Variants in PTPRM observed in about 807,000 individuals in gnomAD.
The protein encoded by PTPRM is protein tyrosine phosphatase receptor type M.
In PTPRM, 47 loss-of-function variants were observed where a neutral mutation model predicts 186.7. The observed-to-expected ratio is 0.25, with a 90% confidence interval of 0.20 to 0.32. The LOEUF is 0.32. Ranked by LOEUF, PTPRM falls within the 10% of genes least tolerant of loss-of-function variation. PTPRM has a pLI of 1.00. For synonymous variants in PTPRM, 668 were observed against 674.9 expected, an observed-to-expected ratio of 0.99 and a Z score of 0.16; for missense variants, 1,494 against 1,865.0, an observed-to-expected ratio of 0.80 and a Z score of 3.66.
chr18:7,714,036 C>T (rs2040269436), intron 1 of PTPRM, among the ~76,000 whole-genome samples: 1 of 152,284 alleles, frequency 6.6e-6, no homozygotes, highest in Non-Finnish European at 1.5e-5. Flanking sequence ...TAGACATCTA[C>T]AGAACTGTCC....
chr18:8,301,938 C>G (rs1250822756), intron 20 of PTPRM, among the ~76,000 whole-genome samples: 1 of 152,106 alleles, frequency 6.6e-6, no homozygotes, highest in African/African-American at 2.4e-5. Flanking sequence ...GGAGTGTGGC[C>G]GCCCAGGTGG....
intron 10 of PTPRM, among the ~76,000 whole-genome samples, chr18:8,086,300 T>C (rs558903879): frequency 9.9e-5 from 15 of 152,184 alleles, no homozygotes; most frequent in African/African-American, 3.1e-4. Flanking sequence ...CATAAGAAAC[T>C]TCTGTCCTGA....
chr18:7,908,586 T>C (rs2050113946), intron 4 of PTPRM, among the ~76,000 whole-genome samples: 1 of 152,248 alleles, frequency 6.6e-6, no homozygotes, highest in African/African-American at 2.4e-5. Flanking sequence ...TATTTGGTGC[T>C]TTGAAGCTTG....
intron 1 of PTPRM, among the ~76,000 whole-genome samples, chr18:7,634,381 C>T (rs1013243501): frequency 2.6e-5 from 4 of 152,128 alleles, no homozygotes; most frequent in African/African-American, 9.7e-5. Context: ...ATGCCCAGTT[C>T]CCTGTCTTTG....
At chr18:7,707,225 A>G (rs562456737) in intron 1 of PTPRM, among the ~76,000 whole-genome samples, 1 of 152,298 alleles carries the variant, frequency 6.6e-6, no homozygotes, top group Admixed American at 6.5e-5. Flanking sequence ...TGAAGGGAGA[A>G]AAGTGTTTCA....
At chr18:8,238,999 TTTA>T (rs1486040607) in intron 14 of PTPRM, among the ~76,000 whole-genome samples, 1 of 150,186 alleles carries the variant, frequency 6.7e-6, no homozygotes, top group Non-Finnish European at 1.5e-5. Context: ...TTAATTTAAT[TTTA>T]TTATTATTAT....
At chr18:7,671,891 C>T (rs1219616838) in intron 1 of PTPRM, among the ~76,000 whole-genome samples, 1 of 152,158 alleles carries the variant, frequency 6.6e-6, no homozygotes, top group Non-Finnish European at 1.5e-5. Flanking sequence ...TTTATAAAAA[C>T]TCATTCCTAC....
chr18:7,766,827 G>A (rs529228363), intron 1 of PTPRM, among the ~76,000 whole-genome samples: 30 of 152,346 alleles, frequency 2.0e-4, no homozygotes, highest in African/African-American at 6.7e-4. Context: ...AAGATTTAGA[G>A]CTAAGAGGTG....
At chr18:7,829,355 ACATTT>A (rs2045647281) in intron 2 of PTPRM, among the ~76,000 whole-genome samples, 2 of 152,210 alleles carry the variant, frequency 1.3e-5, no homozygotes, top group Admixed American at 6.5e-5. Flanking sequence ...TAATAGATGC[ACATTT>A]GATATCCAGG....
At chr18:8,216,164 C>T (rs1194774929) in intron 14 of PTPRM, among the ~76,000 whole-genome samples, 1 of 152,042 alleles carries the variant, frequency 6.6e-6, no homozygotes, top group Non-Finnish European at 1.5e-5. Flanking sequence ...AAAACCTGGT[C>T]ATTCTATTTC....
chr18:8,049,623 G>A (rs1269092339), intron 7 of PTPRM, among the ~76,000 whole-genome samples: 2 of 151,678 alleles, frequency 1.3e-5, no homozygotes, highest in Admixed American at 1.3e-4. Context: ...GATGGTTACA[G>A]AATGCAGTAA....
chr18:8,290,236 T>C (rs1393968369), intron 19 of PTPRM, among the ~76,000 whole-genome samples: 4 of 152,166 alleles, frequency 2.6e-5, no homozygotes, highest in Non-Finnish European at 4.4e-5. Flanking sequence ...ATTTTAGTCA[T>C]TTTACATGCA....
rs1020421872 is a variant in PTPRM, at chr18:8,379,228, G to A, written c.3674G>A (p.Arg1225Gln). The A allele has an allele frequency of 1.9e-6, 3 of 1,613,960 alleles. No individual in the cohort carries two copies. Among genetic ancestry groups the A allele is most frequent in the Non-Finnish European group, 1.7e-6 (2 of 1,179,932 alleles). ...GACTGCAGCATCGCACTGTTGCCCC[G>A]GAACCATGAGAAAAACCGGTGCATG... The part of the protein sequence containing the change: ...VEDCSIALLP[R>Q]NHEKNRCMDI... Residue 1225 changes from arginine (R) to glutamine (Q), a missense_variant, in exon 28 of 33, where the codon CGG becomes CAG. Coordinates refer to ENST00000580170, the MANE Select transcript of PTPRM (RefSeq NM_001105244.2).
At chr18:7,712,157 A>G (rs2040226859) in intron 1 of PTPRM, among the ~76,000 whole-genome samples, 1 of 152,204 alleles carries the variant, frequency 6.6e-6, no homozygotes, top group Admixed American at 6.5e-5. Context: ...AAGCTTCCAG[A>G]GGAAGAAACA....
chr18:8,130,391 A>T (rs946832616), intron 13 of PTPRM, among the ~76,000 whole-genome samples: 1 of 152,216 alleles, frequency 6.6e-6, no homozygotes, highest in Non-Finnish European at 1.5e-5. Flanking sequence ...AGCATGGTGC[A>T]TCTTCTGGGA....
chr18:8,142,367 G>A (rs1366955060), intron 13 of PTPRM, among the ~76,000 whole-genome samples: 1 of 152,104 alleles, frequency 6.6e-6, no homozygotes, highest in Admixed American at 6.6e-5. Context: ...AATGACTACA[G>A]CCATGTTCAG....
At chr18:7,976,920 T>G (rs1192950376) in intron 7 of PTPRM, among the ~76,000 whole-genome samples, 2 of 113,872 alleles carry the variant, frequency 1.8e-5, no homozygotes, top group Admixed American at 1.8e-4. Context: ...AAACTTGCTG[T>G]TTTTTTTTTT....
At chr18:7,728,949 A>G (rs2040602225) in intron 1 of PTPRM, among the ~76,000 whole-genome samples, 1 of 139,822 alleles carries the variant, frequency 7.2e-6, no homozygotes, top group Non-Finnish European at 1.5e-5. Context: ...TTTGAGATGC[A>G]GTTTCTCTCT....
Position 7,780,973 on chromosome 18 carries a change from A to G in PTPRM, c.196+6702A>G, listed in dbSNP as rs566595146. ...CCCTGAAAGCCATGGGAAGACGTTTAAAACCTACCTCAAAGAGTTATTGAC... is the reference window on the plus strand; with the variant it reads ...CCCTGAAAGCCATGGGAAGACGTTTGAAACCTACCTCAAAGAGTTATTGAC... On this transcript the variant is annotated intron_variant, in intron 2 of 32. Transcript: ENST00000580170. 7.2e-5 allele frequency among the ~76,000 whole-genome samples: 11 copies of G among 152,294 alleles called. 1 individual carries two copies. The South Asian group carries it at 2.3e-3, about 32-fold the overall frequency.
Sources: allele counts gnomAD v4.1 joint callset (sites outside exome capture counted in the v4.1 genomes callset), GRCh38; gene constraint gnomAD v4.1.1; transcripts MANE v1.5; gene names NCBI Gene and HGNC (gene_info 2026-07-23, HGNC 2026-07-21).